The following HSP90AA1 variants were observed in gnomAD, a reference collection of about 807,000 sequenced individuals.
The protein encoded by HSP90AA1 is heat shock protein 90 alpha family class A member 1.
HSP90AA1 carries 18 observed loss-of-function variants against 73.3 expected under a neutral mutation model. The ratio of observed to expected loss-of-function variants is 0.25; its 90% CI spans 0.17 to 0.36. HSP90AA1 has a LOEUF of 0.36. Ranked by LOEUF, HSP90AA1 falls within the 10% of genes least tolerant of loss-of-function variation. The probability of loss-of-function intolerance (pLI) is 1.00; values close to 1 mark genes in which losing one functional copy is unlikely to be tolerated. For synonymous variants in HSP90AA1, 477 were observed against 296.9 expected (o/e 1.61, Z -6.24); for missense variants, 704 against 874.2 (o/e 0.81, Z 2.45).
intron 2 of HSP90AA1, among the ~76,000 whole-genome samples, chr14:102,093,253 G>A (rs966323535): frequency 6.7e-6 from 1 of 150,360 alleles, no homozygotes. Flanking sequence ...GCTCACGCCT[G>A]TAATCCCAGC....
intron 1 of HSP90AA1, among the ~76,000 whole-genome samples, chr14:102,133,095 C>T (rs939964427): frequency 6.6e-6 from 1 of 152,074 alleles, no homozygotes. Flanking sequence ...GCCTGGCCAA[C>T]ATGGTGAAAC....
chr14:102,088,140 T>A (rs2049294531), upstream of HSP90AA1, among the ~76,000 whole-genome samples: 1 of 151,946 alleles, frequency 6.6e-6, no homozygotes, highest in Non-Finnish European at 1.5e-5. Flanking sequence ...GTTTTTGTAT[T>A]TATTTGTAGA....
chr14:102,128,917 A>T (rs774606500), intron 1 of HSP90AA1, among the ~76,000 whole-genome samples: 2 of 152,198 alleles, frequency 1.3e-5, no homozygotes, highest in African/African-American at 2.4e-5. Flanking sequence ...GAAATGAGAA[A>T]GGTTTATGCC....
intron 1 of HSP90AA1, among the ~76,000 whole-genome samples, chr14:102,102,502 A>G (rs1401019032): frequency 1.3e-5 from 2 of 152,214 alleles, no homozygotes; most frequent in African/African-American, 2.4e-5. Flanking sequence ...GTTGGGTTTC[A>G]AAGTTAGTGG....
In HSP90AA1 at chr14:102,139,357, G is replaced by T. The variant is rs1160393802; in HGVS notation, c.48C>A (p.Ser16=). ...GGGCGGGACAGTCCCTGTCCCGAAG[G>T]GAGGGCCCAGGAGGGGTGGAGCCGT... The change falls in exon 1 of 12, where the codon TCC becomes TCA. Residue 16 remains serine (S), a synonymous_variant. Coordinates refer to the HSP90AA1 transcript ENST00000334701. The T allele has an allele frequency of 1.9e-6, 3 of 1,606,778 alleles. No individual in the cohort carries two copies. The East Asian group carries it at 6.7e-5, about 36-fold the overall frequency.
intron 1 of HSP90AA1, among the ~76,000 whole-genome samples, chr14:102,137,166 C>T (rs1342275931): frequency 6.6e-6 from 1 of 151,116 alleles, no homozygotes; most frequent in Non-Finnish European, 1.5e-5. Flanking sequence ...GACTGTGCCA[C>T]TGCACTCCAG....
chr14:102,084,014 T>A, intron 6 of HSP90AA1, 31 bp from the exon 7 acceptor site: 1 of 1,535,150 alleles, frequency 6.5e-7, no homozygotes, highest in Non-Finnish European at 9.0e-7. Context: ...ATGCACTGAG[T>A]CATTCCAAGG....
Position 102,116,323 on chromosome 14 carries a change from T to C in HSP90AA1, c.156-14238A>G, listed in dbSNP as rs146282705. 3.0e-3 allele frequency among the ~76,000 whole-genome samples: 457 copies of C among 152,300 alleles called. 2 individuals are homozygous for C. Among genetic ancestry groups the C allele is most frequent in the Non-Finnish European group, 5.4e-3 (364 of 68,024 alleles). On this transcript the variant is annotated intron_variant, in intron 1 of 11. Coordinates refer to the HSP90AA1 transcript ENST00000334701. ...TGTTCCTGTTTGCTCAGATCCTTTGTCCATTAGATTTTTAGCCTTTCTTTT... is the reference window on the plus strand; with the variant it reads ...TGTTCCTGTTTGCTCAGATCCTTTGCCCATTAGATTTTTAGCCTTTCTTTT...
intron 6 of HSP90AA1, 90 bp downstream of exon 6, chr14:102,084,309 G>A (rs1298573042): frequency 1.7e-5 from 21 of 1,253,114 alleles, no homozygotes; most frequent in Non-Finnish European, 2.3e-5. Context: ...GCCTCCCAAA[G>A]TGCTAGGATT....
At chr14:102,087,666 C>CTG (rs1187702743), upstream of HSP90AA1, among the ~76,000 whole-genome samples, 2 of 152,190 alleles carry the variant, frequency 1.3e-5, no homozygotes, top group African/African-American at 2.4e-5. Flanking sequence ...CTGCTGCGCA[C>CTG]TGGGGAGGCT....
At chr14:102,091,745 G>A (rs531427857), upstream of HSP90AA1, among the ~76,000 whole-genome samples, 1 of 152,038 alleles carries the variant, frequency 6.6e-6, no homozygotes, top group East Asian at 2.0e-4. Flanking sequence ...TTCTGCCTCA[G>A]CCTCCTGAGG....
chr14:102,101,933 T>C (rs2049498701), exon 2 of HSP90AA1: 1 of 1,614,078 alleles, frequency 6.2e-7, no homozygotes, highest in African/African-American at 1.3e-5. Flanking sequence ...CCCTGCACCT[T>C]GGCTCTGTCT....
chr14:102,082,967 C>G (rs561729830), intron 9 of HSP90AA1, 67 bp downstream of exon 9: 14 of 1,459,982 alleles, frequency 9.6e-6, no homozygotes, highest in Non-Finnish European at 1.3e-5. Flanking sequence ...CGAAAATGGG[C>G]TATGTATGAC....
rs764884065 is a variant in HSP90AA1, at chr14:102,086,201, TTAA to T, written c.162+13_162+15del. 35 of 1,613,918 alleles carry T rather than the reference TTAA, an allele frequency of 2.2e-5. No homozygotes were observed. In the South Asian group the frequency reaches 3.8e-4, roughly 18 times the overall value. Reference sequence around the variant, plus strand: ...ACTGAAACCAAAATCCGATTCTGGGTTAATAAGTGACTTACATCTGATGAATTT... The same window carrying T: ...ACTGAAACCAAAATCCGATTCTGGGTTAAGTGACTTACATCTGATGAATTT... On this transcript the variant is annotated intron_variant, in intron 2 of 10. Coordinates refer to ENST00000216281, the MANE Select transcript of HSP90AA1 (RefSeq NM_005348.4).
At position 102,084,717 on chromosome 14, in the gene HSP90AA1, G is replaced by A. The variant is rs2152611534; in HGVS notation, c.945C>T (p.Ser315=). ...TNEEYGEFYK[S]LTNDWEDHLA... is the part of the protein sequence containing the mutation. The stretch of plus-strand genomic sequence containing the variant: ...AGTGATCTTCCCAGTCATTGGTCAA[G>A]CTCTTATAGAATTCTCCGTACTCCT... The change falls in exon 5 of 11, where the codon AGC becomes AGT. Residue 315 remains serine, a synonymous_variant. Coordinates refer to ENST00000216281, the MANE Select transcript of HSP90AA1 (RefSeq NM_005348.4). 1.2e-6 allele frequency: 2 copies of A among 1,614,034 alleles called. No homozygotes were observed. The highest frequency in any genetic ancestry group is 1.6e-4 in the Middle Eastern group (1 of 6,062).
chr14:102,107,121 A>G (rs2049579064), intron 1 of HSP90AA1, among the ~76,000 whole-genome samples: 1 of 152,018 alleles, frequency 6.6e-6, no homozygotes, highest in Non-Finnish European at 1.5e-5. Flanking sequence ...ACTGTTGTCA[A>G]TGACAATAAT....
At chr14:102,109,110 T>C (rs2049607181) in intron 1 of HSP90AA1, among the ~76,000 whole-genome samples, 1 of 152,206 alleles carries the variant, frequency 6.6e-6, no homozygotes, top group Non-Finnish European at 1.5e-5. Flanking sequence ...AGAGGCTCCC[T>C]ATGTTTCTTC....
chr14:102,136,424 C>T (rs1173146115), intron 1 of HSP90AA1, among the ~76,000 whole-genome samples: 1 of 151,498 alleles, frequency 6.6e-6, no homozygotes, highest in Non-Finnish European at 1.5e-5. Context: ...AAAAAATTGG[C>T]CAGGCCTGGT....
In HSP90AA1 at chr14:102,085,754, C is replaced by G. The variant is rs1011406654; in HGVS notation, c.529+4G>C. ...ACTTAACCAGTGAATGTTCAGGTGC[C>G]TACCTGTGTCTGTCCTCACTGTGAA... On this transcript the variant is annotated splice_donor_region_variant and intron_variant, in intron 3 of 10. Coordinates refer to ENST00000216281, the MANE Select transcript of HSP90AA1 (RefSeq NM_005348.4). The G allele has an allele frequency of 3.7e-6, 6 of 1,613,856 alleles. No homozygotes were observed. Among genetic ancestry groups the G allele is most frequent in the East Asian group, 2.2e-5 (1 of 44,900 alleles).
Sources: gnomAD v4.1 joint callset for allele counts (sites outside exome capture counted in the v4.1 genomes callset) on GRCh38, gnomAD v4.1.1 for gene constraint, MANE v1.5 for transcripts, NCBI Gene and HGNC (gene_info 2026-07-23, HGNC 2026-07-21) for gene names.